ANO2: variants seen among roughly 807,000 people sequenced by gnomAD.
ANO2 encodes the protein anoctamin-2.
ANO2 carries 101 observed loss-of-function variants against 124.2 expected under a neutral mutation model. The ratio of observed to expected loss-of-function variants is 0.81; its 90% CI spans 0.69 to 0.96. The LOEUF is 0.96. Among genes scored for constraint, ANO2 ranks in the 40% least tolerant of loss-of-function variants. The pLI is 0.00. For synonymous variants in ANO2, 486 were observed against 482.5 expected, an observed-to-expected ratio of 1.01 and a Z score of -0.09; for missense variants, 1,293 against 1,274.5, an observed-to-expected ratio of 1.01 and a Z score of -0.22.
At chr12:5,566,778 A>C (rs1282495287) in intron 23 of ANO2, among the ~76,000 whole-genome samples, 1 of 152,186 alleles carries the variant, frequency 6.6e-6, no homozygotes, top group African/African-American at 2.4e-5. Flanking sequence ...GTGTGGCCAG[A>C]GTCTCGTGAC....
chr12:5,881,515 C>G (rs887923503), intron 3 of ANO2, among the ~76,000 whole-genome samples: 1 of 152,122 alleles, frequency 6.6e-6, no homozygotes, highest in Non-Finnish European at 1.5e-5. Flanking sequence ...TCAGAAGGGG[C>G]AATATTGTAA....
rs372391589 is a variant in ANO2, at chr12:5,691,076, T to A, written c.1545+41444A>T. On this transcript the variant is annotated intron_variant, in intron 14 of 24. Coordinates refer to ENST00000682330, the MANE Select transcript of ANO2 (RefSeq NM_001364791.2). ...CAGGTGCGGTGGCTCACGCCTGTAATCCCAGCACTTTGGGAGGCTGAGGCA... is the reference window on the plus strand; with the variant it reads ...CAGGTGCGGTGGCTCACGCCTGTAAACCCAGCACTTTGGGAGGCTGAGGCA... 1.1e-4 allele frequency among the ~76,000 whole-genome samples: 16 copies of A among 152,036 alleles called. 1 individual carries two copies. The South Asian group carries it at 1.5e-3, about 14-fold the overall frequency.
intron 10 of ANO2, among the ~76,000 whole-genome samples, chr12:5,797,597 A>G (rs748847453): frequency 1.3e-5 from 2 of 151,650 alleles, no homozygotes; most frequent in African/African-American, 2.4e-5. Flanking sequence ...CCCTTCCATC[A>G]CTTCTCTTTC....
intron 16 of ANO2, among the ~76,000 whole-genome samples, chr12:5,621,139 C>T (rs534568495): frequency 4.6e-5 from 7 of 152,206 alleles, no homozygotes; most frequent in Non-Finnish European, 2.9e-5. Flanking sequence ...TCTGAACCCT[C>T]GCGCTCGCCA....
intron 22 of ANO2, 27 bp from the exon 23 acceptor site, chr12:5,576,042 G>C: frequency 6.4e-7 from 1 of 1,573,530 alleles, no homozygotes; most frequent in Non-Finnish European, 8.6e-7. Context: ...TAAGCACTGA[G>C]TAGCCAGGAT....
chr12:5,780,701 T>C (rs963018249), intron 10 of ANO2, among the ~76,000 whole-genome samples: 4 of 152,200 alleles, frequency 2.6e-5, no homozygotes, highest in African/African-American at 9.6e-5. Flanking sequence ...CCTTCGCTTG[T>C]AAACACACCA....
intron 14 of ANO2, among the ~76,000 whole-genome samples, chr12:5,731,406 T>C (rs1332313463): frequency 6.6e-6 from 1 of 152,084 alleles, no homozygotes; most frequent in Non-Finnish European, 1.5e-5. Flanking sequence ...AAACACCACA[T>C]TCTTCTGTTT....
At chr12:5,578,260 AG>A in intron 21 of ANO2, 105 bp downstream of exon 21, 1 of 1,461,596 alleles carries the variant, frequency 6.8e-7, no homozygotes, top group Non-Finnish European at 9.3e-7. Flanking sequence ...CAAAGGGAAG[AG>A]GGGCTTTCCC....
upstream of ANO2, chr12:5,946,139 G>A: frequency 1.2e-6 from 2 of 1,613,782 alleles, no homozygotes; most frequent in Middle Eastern, 3.3e-4. This position sits in a 1 kb window ranked among gnomAD's most constrained non-coding sequence, Gnocchi z 4.1. Flanking sequence ...TATGCCATTT[G>A]TGATCACTGA....
chr12:5,786,697 C>T (rs992941498), intron 10 of ANO2, among the ~76,000 whole-genome samples: 5 of 152,138 alleles, frequency 3.3e-5, no homozygotes, highest in South Asian at 4.1e-4. Context: ...ACCACCTCCC[C>T]GGGAGTTGTC....
intron 9 of ANO2, among the ~76,000 whole-genome samples, chr12:5,801,237 CT>C (rs1953028805): frequency 1.3e-5 from 2 of 152,166 alleles, no homozygotes; most frequent in Admixed American, 1.3e-4. Flanking sequence ...TCTGCAGCAA[CT>C]TTAGCAGGAC....
intron 14 of ANO2, among the ~76,000 whole-genome samples, chr12:5,677,110 G>A (rs754380721): frequency 7.3e-5 from 11 of 150,034 alleles, no homozygotes; most frequent in Non-Finnish European, 1.0e-4. Flanking sequence ...TAAGAGAAGA[G>A]ACGGGGGTCT....
rs956159604 is a variant in ANO2, at chr12:5,571,395, C to T, written c.2621+4439G>A. The stretch of plus-strand genomic sequence containing the variant: ...CAAAATGCTGGGAATGCATCTCAAA[C>T]GGGCAGCCGGAGACTTGTGCTAACT... On this transcript the variant is annotated intron_variant, in intron 23 of 24. Coordinates refer to ENST00000682330, the MANE Select transcript of ANO2 (RefSeq NM_001364791.2). Among the ~76,000 whole-genome samples, 10 of 152,252 alleles carry T rather than the reference C, an allele frequency of 6.6e-5. No individual in the cohort carries two copies. In the South Asian group the frequency reaches 1.0e-3, roughly 16 times the overall value.
chr12:5,733,059 A>G, intron 13 of ANO2: 1 of 681,842 alleles, frequency 1.5e-6, no homozygotes, highest in Non-Finnish European at 2.6e-6. Context: ...CAGCTGGAGA[A>G]ACAGATGTGC....
chr12:5,874,387 A>G (rs1383187897), intron 3 of ANO2, among the ~76,000 whole-genome samples: 2 of 152,142 alleles, frequency 1.3e-5, no homozygotes, highest in African/African-American at 2.4e-5. Context: ...CTCTTGCCCT[A>G]TGCAGGCAAG....
At chr12:5,853,536 C>A (rs1010022865) in intron 4 of ANO2, among the ~76,000 whole-genome samples, 2 of 152,010 alleles carry the variant, frequency 1.3e-5, no homozygotes, top group Admixed American at 1.3e-4. Context: ...AATCAATTCA[C>A]CTGATTAAGA....
intron 7 of ANO2, among the ~76,000 whole-genome samples, chr12:5,807,755 G>A (rs931402459): frequency 3.9e-4 from 60 of 152,234 alleles, no homozygotes; most frequent in African/African-American, 1.3e-3. Context: ...GAGAGCATCC[G>A]ACTGCACTTT....
rs114077872 is a variant in ANO2, at chr12:5,664,136, G to A, written c.1546-16335C>T. Among the ~76,000 whole-genome samples the A allele has an allele frequency of 2.2e-3, 328 of 152,364 alleles. 1 individual carries two copies. The highest frequency in any genetic ancestry group is 7.5e-3 in the African/African-American group (312 of 41,578). ...TGCACATATGTGCGCACGCATGCAT[G>A]TGCATACACACAAACTCATGCTTGG... is the stretch of plus-strand genomic sequence containing the variant. On this transcript the variant is annotated intron_variant, in intron 14 of 24. Coordinates refer to ENST00000682330, the MANE Select transcript of ANO2 (RefSeq NM_001364791.2).
chr12:5,622,329 C>T (rs1482004010), intron 16 of ANO2, among the ~76,000 whole-genome samples: 1 of 152,172 alleles, frequency 6.6e-6, no homozygotes, highest in East Asian at 1.9e-4. Flanking sequence ...AAATCATAGG[C>T]CTGGCTATTA....
Sources: allele counts gnomAD v4.1 joint callset (sites outside exome capture counted in the v4.1 genomes callset), GRCh38; gene constraint gnomAD v4.1.1; non-coding constraint Gnocchi (gnomAD v3.1); transcripts MANE v1.5; gene names NCBI Gene and HGNC (gene_info 2026-07-23, HGNC 2026-07-21).